The following SNRPB variants were observed in gnomAD, a reference collection of about 807,000 sequenced individuals.
The protein encoded by SNRPB is small nuclear ribonucleoprotein-associated proteins B and B'.
SNRPB carries 5 observed loss-of-function variants against 26.6 expected under a neutral mutation model. The ratio of observed to expected loss-of-function variants is 0.19; its 90% CI spans 0.10 to 0.39. The LOEUF (loss-of-function observed/expected upper bound fraction) is 0.39. SNRPB is among the 10% of genes least tolerant of loss of function. The pLI is 1.00. For missense variants in SNRPB, 211 were observed against 311.9 expected, an observed-to-expected ratio of 0.68 and a Z score of 2.44; for synonymous variants, 122 against 105.8, an observed-to-expected ratio of 1.15 and a Z score of -0.94.
chr20:2,464,433 A>C (rs1389564089), intron 3 of SNRPB, among the ~76,000 whole-genome samples: 1 of 152,234 alleles, frequency 6.6e-6, no homozygotes, highest in East Asian at 1.9e-4. Context: ...CTTTGAACCA[A>C]GATATGCTAA....
chr20:2,465,975 A>C (rs2085070835), intron 2 of SNRPB, among the ~76,000 whole-genome samples, 156 bp from the exon 3 acceptor site: 1 of 152,130 alleles, frequency 6.6e-6, no homozygotes, highest in South Asian at 2.1e-4. Context: ...CAGGCTGAAC[A>C]CATAACCTCT....
rs533968854 is a variant in SNRPB at position 2,464,938 on chromosome 20, G to A, written c.267+770C>T. 9.4e-4 allele frequency among the ~76,000 whole-genome samples: 143 copies of A among 152,016 alleles called. 1 individual carries two copies. The highest frequency in any genetic ancestry group is 3.2e-3 in the African/African-American group (134 of 41,448). The stretch of plus-strand genomic sequence containing the variant: ...GGAAAGGGAAAACAAATTTGACTAG[G>A]TCTCTAAAGCCTGCTCTATTTCTAT... On this transcript the variant is annotated intron_variant, in intron 3 of 6. Transcript: ENST00000381342.
chr20:2,466,578 GT>G (rs1194694910), intron 2 of SNRPB, among the ~76,000 whole-genome samples: 1 of 152,104 alleles, frequency 6.6e-6, no homozygotes, highest in Non-Finnish European at 1.5e-5. Flanking sequence ...ATATTAACTG[GT>G]TGTCTGTGGA....
intron 2 of SNRPB, 77 bp from the exon 3 acceptor site, chr20:2,465,896 T>C: frequency 2.0e-6 from 2 of 1,011,164 alleles, no homozygotes; most frequent in Non-Finnish European, 3.1e-6. Flanking sequence ...CTCCAAGATT[T>C]GCTTATACTG....
chr20:2,467,308 T>TTA, intron 2 of SNRPB: 1 of 519,150 alleles, frequency 1.9e-6, no homozygotes, highest in Non-Finnish European at 3.7e-6. Flanking sequence ...CTCTCCCCCC[T>TTA]CACACACCTG....
At chr20:2,464,886 A>AG (rs948074634) in intron 3 of SNRPB, among the ~76,000 whole-genome samples, 10 of 76,256 alleles carry the variant, frequency 1.3e-4, no homozygotes, top group African/African-American at 3.0e-4. Flanking sequence ...AAAAAAAAAA[A>AG]AAAAAAAAAC....
intron 1 of SNRPB, among the ~76,000 whole-genome samples, chr20:2,469,500 T>C (rs955172970): frequency 5.3e-5 from 8 of 152,126 alleles, no homozygotes; most frequent in Non-Finnish European, 8.8e-5. Context: ...GAGACCAGTC[T>C]GGCCAACATG....
Position 2,461,919 on chromosome 20 carries a change from T to C in SNRPB, c.*10A>G. 6.2e-7 allele frequency: 1 copy of C among 1,613,168 alleles called. No homozygotes were observed. The highest frequency in any genetic ancestry group is 1.1e-5 in the South Asian group (1 of 91,014). The stretch of plus-strand genomic sequence containing the variant: ...TCTGCGGAGCTACTTCCATACTCTG[T>C]GGCCAAGGGTCAAAGAAGGCCTGAA... On this transcript the variant is annotated 3_prime_UTR_variant, in exon 7 of 7. Coordinates refer to ENST00000381342, the MANE Select transcript of SNRPB (RefSeq NM_003091.4).
rs2085108794 is a variant in SNRPB at position 2,470,719 on chromosome 20, G to A, written c.-29C>T. The A allele has an allele frequency of 3.1e-6, 5 of 1,612,286 alleles. No individual in the cohort carries two copies. Among genetic ancestry groups the A allele is most frequent in the Non-Finnish European group, 4.2e-6 (5 of 1,179,830 alleles). ...GGCGGTTCTGATGGCTCTGATACCC[G>A]CCGGATTCGCCTCCTCAGAGGCCTA... is the stretch of plus-strand genomic sequence containing the variant. On this transcript the variant is annotated 5_prime_UTR_variant, in exon 1 of 7. Coordinates refer to ENST00000381342, the MANE Select transcript of SNRPB (RefSeq NM_003091.4).
At chr20:2,464,007 C>T (rs2122486795) in intron 3 of SNRPB, 108 bp from the exon 4 acceptor site, 6 of 927,308 alleles carry the variant, frequency 6.5e-6, no homozygotes, top group East Asian at 2.5e-5. Flanking sequence ...TAAATACTAT[C>T]GAAATAGCTT....
intron 1 of SNRPB, 96 bp from the exon 2 acceptor site, chr20:2,467,854 G>A (rs2085085116): frequency 6.8e-6 from 8 of 1,177,938 alleles, no homozygotes; most frequent in South Asian, 4.2e-5. Context: ...TTGTCCATGT[G>A]TCCAACTTTC....
At position 2,461,893 on chromosome 20, in the gene SNRPB, C is replaced by G; in HGVS notation, c.*36G>C. 2 of 1,613,936 alleles carry G rather than the reference C, an allele frequency of 1.2e-6. No individual in the cohort carries two copies. Among genetic ancestry groups the G allele is most frequent in the Non-Finnish European group, 1.7e-6 (2 of 1,179,940 alleles). ...TGGCCCTGAGGAATCGAGCCCACGC[C>G]TCTGCGGAGCTACTTCCATACTCTG... On this transcript the variant is annotated 3_prime_UTR_variant, in exon 7 of 7. Coordinates refer to ENST00000381342, the MANE Select transcript of SNRPB (RefSeq NM_003091.4).
intron 3 of SNRPB, among the ~76,000 whole-genome samples, chr20:2,465,192 A>G (rs1229951565): frequency 1.3e-5 from 2 of 152,166 alleles, no homozygotes; most frequent in Non-Finnish European, 2.9e-5. Flanking sequence ...AAATACACAC[A>G]TTTCCTATTG....
intron 2 of SNRPB, among the ~76,000 whole-genome samples, chr20:2,466,269 T>C (rs866866665): frequency 2.8e-4 from 42 of 152,322 alleles, no homozygotes; most frequent in African/African-American, 9.4e-4. Flanking sequence ...AGGCCTATAA[T>C]TCTGCCCCTC....
chr20:2,462,465 G>A (rs923384616), intron 6 of SNRPB, 171 bp downstream of exon 6: 2 of 697,794 alleles, frequency 2.9e-6, no homozygotes, highest in Non-Finnish European at 5.2e-6. Context: ...TTTTCTAAGA[G>A]GGGAGGTAAG....
At chr20:2,462,965 T>A (rs2085046218) in intron 5 of SNRPB, 124 bp downstream of exon 5, 1 of 1,085,346 alleles carries the variant, frequency 9.2e-7, no homozygotes, top group Non-Finnish European at 1.3e-6. Flanking sequence ...CCACGCTGGA[T>A]CTCAGAGTAA....
intron 3 of SNRPB, among the ~76,000 whole-genome samples, chr20:2,465,407 CT>C (rs11475117): frequency 0.81 from 103,616 of 128,076 alleles, 40,697 homozygotes; most frequent in East Asian, 0.88. Context: ...TTTTTTTTGT[CT>C]TTTTTTTTTT....
Position 2,468,674 on chromosome 20 carries a change from C to T in SNRPB, c.4-916G>A, listed in dbSNP as rs565756902. Among the ~76,000 whole-genome samples the T allele has an allele frequency of 9.9e-4, 151 of 152,338 alleles. 1 individual carries two copies. The highest frequency in any genetic ancestry group is 3.2e-3 in the African/African-American group (135 of 41,574). On this transcript the variant is annotated intron_variant, in intron 1 of 6. Coordinates refer to ENST00000381342, the MANE Select transcript of SNRPB (RefSeq NM_003091.4). ...GGCTCAGTGGCTCACTCCTGCAATCCCGGCATTTTGGGAGGCCGAGGTGGG... is the reference window on the plus strand; with the variant it reads ...GGCTCAGTGGCTCACTCCTGCAATCTCGGCATTTTGGGAGGCCGAGGTGGG...
At chr20:2,467,100 A>G in intron 2 of SNRPB, 1 of 297,270 alleles carries the variant, frequency 3.4e-6, no homozygotes, top group Non-Finnish European at 6.7e-6. Context: ...AACTTACGGA[A>G]TTGTAGCAAA....
Sources: allele counts gnomAD v4.1 joint callset (sites outside exome capture counted in the v4.1 genomes callset), GRCh38; gene constraint gnomAD v4.1.1; transcripts MANE v1.5; gene names NCBI Gene and HGNC (gene_info 2026-07-23, HGNC 2026-07-21).